Variants in ASTN2 observed in about 807,000 individuals in gnomAD.
The protein encoded by ASTN2 is astrotactin-2.
In ASTN2, 54 loss-of-function variants were observed where a neutral mutation model predicts 139.8. That is an observed-to-expected ratio of 0.39 (90% confidence interval 0.31 to 0.48). The LOEUF is 0.48. Among genes scored for constraint, ASTN2 ranks in the 20% least tolerant of loss-of-function variants. The pLI is 0.95. For synonymous variants in ASTN2, 756 were observed against 719.5 expected (o/e 1.05, Z -0.81); for missense variants, 1,565 against 1,725.1 (o/e 0.91, Z 1.64).
At chr9:117,301,653 T>C (rs1391767290) in intron 1 of ASTN2, among the ~76,000 whole-genome samples, 1 of 152,190 alleles carries the variant, frequency 6.6e-6, no homozygotes, top group African/African-American at 2.4e-5. Context: ...GGAGGTGTGA[T>C]ATGATAAGTA....
chr9:116,993,536 CTATA>C (rs1836919968), intron 7 of ASTN2, among the ~76,000 whole-genome samples: 1 of 150,912 alleles, frequency 6.6e-6, no homozygotes, highest in Non-Finnish European at 1.5e-5. Flanking sequence ...AATTTTATTA[CTATA>C]TATAGTATAT....
At chr9:116,896,247 G>A in intron 10 of ASTN2, among the ~76,000 whole-genome samples, 1 of 152,316 alleles carries the variant, frequency 6.6e-6, no homozygotes, top group East Asian at 1.9e-4. Flanking sequence ...CCAAGGAATG[G>A]AGGAAAGCAA....
At chr9:117,311,041 C>T (rs1212805727) in intron 1 of ASTN2, among the ~76,000 whole-genome samples, 1 of 152,144 alleles carries the variant, frequency 6.6e-6, no homozygotes, top group African/African-American at 2.4e-5. Context: ...GTCTCTCTTC[C>T]CCTACTGGGG....
intron 10 of ASTN2, among the ~76,000 whole-genome samples, chr9:116,867,210 A>T (rs144546441): frequency 6.6e-6 from 1 of 152,122 alleles, no homozygotes; most frequent in African/African-American, 2.4e-5. Context: ...TAAGAAACAG[A>T]TGAAAAGAGG....
At chr9:117,182,576 C>T (rs879411500) in intron 3 of ASTN2, among the ~76,000 whole-genome samples, 3 of 152,188 alleles carry the variant, frequency 2.0e-5, no homozygotes, top group Non-Finnish European at 4.4e-5. Context: ...AAGGCCTGCC[C>T]CACCACCTCC....
intron 12 of ASTN2, among the ~76,000 whole-genome samples, chr9:116,810,289 G>A (rs1484074348): frequency 6.6e-6 from 1 of 152,154 alleles, no homozygotes; most frequent in Non-Finnish European, 1.5e-5. Flanking sequence ...TCTTTTGGAG[G>A]TTATTCATGG....
intron 19 of ASTN2, among the ~76,000 whole-genome samples, chr9:116,490,749 C>T (rs1849495235): frequency 6.6e-6 from 1 of 152,082 alleles, no homozygotes; most frequent in Non-Finnish European, 1.5e-5. Flanking sequence ...ACGAGAACAG[C>T]ATGGGGTAAC....
At chr9:117,352,940 A>G (rs1449512873) in intron 1 of ASTN2, among the ~76,000 whole-genome samples, 1 of 152,216 alleles carries the variant, frequency 6.6e-6, no homozygotes, top group Non-Finnish European at 1.5e-5. Flanking sequence ...GACTTCACTT[A>G]CATGAAACAT....
intron 19 of ASTN2, chr9:116,583,664 T>A (rs1387699340): frequency 6.6e-6 from 1 of 151,856 alleles, no homozygotes; most frequent in African/African-American, 2.4e-5. Flanking sequence ...AGTTGATAGC[T>A]TAATTGAAGT....
chr9:117,121,061 T>A (rs570735135), intron 4 of ASTN2, among the ~76,000 whole-genome samples: 10 of 152,330 alleles, frequency 6.6e-5, no homozygotes, highest in African/African-American at 2.4e-4. Flanking sequence ...TTCTTTTCCA[T>A]CTCTATCTGG....
chr9:116,603,294 G>A (rs1279392996), intron 19 of ASTN2, among the ~76,000 whole-genome samples: 2 of 152,190 alleles, frequency 1.3e-5, no homozygotes, highest in African/African-American at 2.4e-5. Flanking sequence ...AAAAGGCACG[G>A]CTGGAGTGGG....
At chr9:116,891,431 A>G (rs932838922) in intron 10 of ASTN2, among the ~76,000 whole-genome samples, 11 of 152,226 alleles carry the variant, frequency 7.2e-5, no homozygotes, top group African/African-American at 2.7e-4. Context: ...TCAAGTGTTT[A>G]CTATGTGTCA....
intron 4 of ASTN2, among the ~76,000 whole-genome samples, chr9:117,140,409 A>G (rs1376704282): frequency 2.0e-5 from 3 of 152,038 alleles, no homozygotes; most frequent in Non-Finnish European, 4.4e-5. Context: ...AGAAGAGGAG[A>G]CTACTAGTTT....
chr9:116,455,317 C>A (rs1353225352), intron 20 of ASTN2, among the ~76,000 whole-genome samples: 1 of 146,214 alleles, frequency 6.8e-6, no homozygotes. Flanking sequence ...CCACTGCATT[C>A]CAGCCTGGGT....
intron 3 of ASTN2, among the ~76,000 whole-genome samples, chr9:117,157,687 A>C (rs1259514742): frequency 1.3e-5 from 2 of 152,048 alleles, no homozygotes; most frequent in African/African-American, 4.8e-5. Flanking sequence ...CAGAAGTACA[A>C]ACTCATTTTC....
chr9:116,991,139 C>T (rs764345615), intron 7 of ASTN2, among the ~76,000 whole-genome samples: 5 of 145,986 alleles, frequency 3.4e-5, no homozygotes, highest in East Asian at 2.1e-4. Flanking sequence ...CCATTCATCA[C>T]GGTAGCCAAA....
intron 6 of ASTN2, among the ~76,000 whole-genome samples, chr9:117,026,686 C>T (rs1564391061): frequency 7.2e-6 from 1 of 138,916 alleles, no homozygotes; most frequent in Non-Finnish European, 1.5e-5. Flanking sequence ...TAGGCAACCT[C>T]AGATTCACCT....
intron 17 of ASTN2, among the ~76,000 whole-genome samples, chr9:116,650,148 C>T (rs1276443526): frequency 6.6e-6 from 1 of 151,994 alleles, no homozygotes; most frequent in Non-Finnish European, 1.5e-5. Flanking sequence ...CAGTGGAGGC[C>T]CAGGGCTGTC....
chr9:116,852,099 C>T (rs1832623079), intron 11 of ASTN2, among the ~76,000 whole-genome samples: 1 of 152,098 alleles, frequency 6.6e-6, no homozygotes, highest in South Asian at 2.1e-4. Flanking sequence ...ATCACCTTTC[C>T]CTTTCAGTGA....
Sources: allele counts gnomAD v4.1 joint callset (sites outside exome capture counted in the v4.1 genomes callset), GRCh38; gene constraint gnomAD v4.1.1; transcripts MANE v1.5; gene names NCBI Gene and HGNC (gene_info 2026-07-23, HGNC 2026-07-21).